The following VWF variants were observed in gnomAD, a reference collection of about 807,000 sequenced individuals.
VWF encodes the protein von Willebrand factor, also known as Factor VIII related antigen.
VWF carries 176 observed loss-of-function variants against 308.6 expected under a neutral mutation model. The ratio of observed to expected loss-of-function variants is 0.57; its 90% CI spans 0.50 to 0.65. The LOEUF (loss-of-function observed/expected upper bound fraction) is 0.65. Among genes scored for constraint, VWF ranks in the 30% least tolerant of loss-of-function variants. The probability of loss-of-function intolerance (pLI) is 0.00; values close to 1 mark genes in which losing one functional copy is unlikely to be tolerated. For missense variants in VWF, 3,146 were observed against 3,648.2 expected (o/e 0.86, Z 3.55); for synonymous variants, 1,385 against 1,443.4 (o/e 0.96, Z 0.92).
intron 11 of VWF, 149 bp from the exon 12 acceptor site, chr12:6,064,533 G>T: frequency 7.7e-7 from 1 of 1,290,882 alleles, no homozygotes. Context: ...AATACTCCAT[G>T]TGAATGGGGC....
intron 5 of VWF, among the ~76,000 whole-genome samples, chr12:6,105,419 G>A (rs1332635428): frequency 6.6e-6 from 1 of 152,062 alleles, no homozygotes; most frequent in Non-Finnish European, 1.5e-5. Flanking sequence ...AGTAGAGATG[G>A]GGTTTCACAT....
intron 5 of VWF, 149 bp from the exon 6 acceptor site, chr12:6,095,733 G>A: frequency 9.0e-7 from 1 of 1,106,648 alleles, no homozygotes; most frequent in South Asian, 1.3e-5. Flanking sequence ...CCAGGCTGGA[G>A]TGCAGCGGCT....
intron 34 of VWF, among the ~76,000 whole-genome samples, chr12:6,006,876 G>T (rs1943935185): frequency 6.6e-6 from 1 of 152,178 alleles, no homozygotes; most frequent in South Asian, 2.1e-4. Flanking sequence ...AATGCACATA[G>T]GTTTAAAGTG....
At position 5,988,374 on chromosome 12, in the gene VWF, AG is replaced by A. The variant is rs145603410; in HGVS notation, c.6799-2710del. 3.5e-3 allele frequency among the ~76,000 whole-genome samples: 539 copies of A among 152,318 alleles called. 4 individuals carry two copies. Among genetic ancestry groups the A allele is most frequent in the African/African-American group, 0.012 (512 of 41,568 alleles). On this transcript the variant is annotated intron_variant, in intron 38 of 51. Coordinates refer to ENST00000261405, the MANE Select transcript of VWF (RefSeq NM_000552.5). ...GCTGGGAAGGTGGAGGGAGGGGCCC[AG>A]GGCGCTGGCCTCGGAGGGCTGGGGC...
At chr12:6,109,601 T>C (rs1945282368) in intron 5 of VWF, among the ~76,000 whole-genome samples, 1 of 152,234 alleles carries the variant, frequency 6.6e-6, no homozygotes, top group Non-Finnish European at 1.5e-5. Context: ...ACATCACTAA[T>C]TGAATGTTTA....
Position 6,022,799 on chromosome 12 carries a change from G to A in VWF, c.3479C>T (p.Pro1160Leu). Residue 1160 changes from proline (P) to leucine (L), a missense_variant, in exon 26 of 52, where the codon CCT becomes CTT. By Grantham distance (98) the Pro-to-Leu change is moderately conservative. This residue lies in a region of VWF where 853 missense variants were observed against 1,177.8 expected (regional missense o/e 0.72). Coordinates refer to ENST00000261405, the MANE Select transcript of VWF (RefSeq NM_000552.5). ...APACQVTCQHPEPLACPVQCV... is the reference protein window; with the variant it reads ...APACQVTCQHLEPLACPVQCV... ...CTGCACAGGGCAGGCCAGTGGCTCAGGGTGCTGACACGTGACTTGACAGGC... is the reference window on the plus strand; with the variant it reads ...CTGCACAGGGCAGGCCAGTGGCTCAAGGTGCTGACACGTGACTTGACAGGC... The A allele has an allele frequency of 1.9e-6, 1 of 534,264 alleles. No homozygotes were observed. The allele number at this position is 534,264 out of a possible 1,614,324, so 33.1% of individuals were successfully genotyped here.
In VWF at chr12:6,052,591, C is replaced by T. The variant is rs760218536; in HGVS notation, c.2138G>A (p.Gly713Asp). ...GATGTCTTCTGGCTGGAAGATCTCA[C>T]CGTCATAGTAACAGGGGCACTGGGC... ...PKAQCPCYYDGEIFQPEDIFS... is the reference protein window; with the variant it reads ...PKAQCPCYYDDEIFQPEDIFS... Residue 713 changes from glycine to aspartate, a missense_variant, in exon 16 of 52, where the codon GGT (glycine) becomes GAT (aspartate). Physicochemically the swap from Gly to Asp is moderately conservative, Grantham distance 94. Transcript: ENST00000261405. The T allele has an allele frequency of 5.6e-6, 9 of 1,614,270 alleles. No individual in the cohort carries two copies. In the East Asian group the frequency reaches 2.0e-4, roughly 36 times the overall value.
intron 6 of VWF, among the ~76,000 whole-genome samples, chr12:6,079,160 C>A (rs533485378): frequency 1.5e-4 from 23 of 152,322 alleles, no homozygotes; most frequent in Admixed American, 1.3e-3. Context: ...GTGGGCACAG[C>A]TGAGAGCCAG....
rs1341697896 is a variant in VWF, at chr12:6,063,279, C to T, written c.1433-225G>A. Among the ~76,000 whole-genome samples, 1 of 152,110 alleles carries T rather than the reference C, an allele frequency of 6.6e-6. No homozygotes were observed. The highest frequency in any genetic ancestry group is 1.5e-5 in the Non-Finnish European group (1 of 68,022). Reference sequence around the variant, plus strand: ...GGTCCCCCAGGAAGAAGCCTCTGCACCCCCCGCTATGACCTGCCATTCCCC... The same window carrying T: ...GGTCCCCCAGGAAGAAGCCTCTGCATCCCCCGCTATGACCTGCCATTCCCC... On this transcript the variant is annotated intron_variant, in intron 12 of 51. Transcript: ENST00000261405. The surrounding 1 kb of genome is among the most constrained non-coding windows in gnomAD (Gnocchi z 4.9).
intron 15 of VWF, among the ~76,000 whole-genome samples, chr12:6,055,420 A>G (rs1435639588): frequency 6.6e-6 from 1 of 152,202 alleles, no homozygotes. Context: ...TCAAGGTCCC[A>G]TAACTGGTAC....
In VWF at chr12:6,063,892, CCT is replaced by C; in HGVS notation, c.1432+352_1432+353del. 6.6e-6 allele frequency among the ~76,000 whole-genome samples: 1 copy of C among 152,036 alleles called. No individual in the cohort carries two copies. The highest frequency in any genetic ancestry group is 1.5e-5 in the Non-Finnish European group (1 of 68,030). On this transcript the variant is annotated intron_variant, in intron 12 of 51. Transcript: ENST00000261405. This position sits in a 1 kb window ranked among gnomAD's most constrained non-coding sequence, Gnocchi z 4.9. ...CGATCTCTCAGCATCAGCCTCTGCC[CCT>C]GTCCCACCCCAGAGCAAACCAGAAC...
chr12:6,055,765 C>CACACACACAT (rs1555198152), intron 15 of VWF, among the ~76,000 whole-genome samples: 1 of 146,256 alleles, frequency 6.8e-6, no homozygotes, highest in Admixed American at 6.8e-5. Flanking sequence ...TATGTATACA[C>CACACACACAT]ACACACACAC....
intron 6 of VWF, among the ~76,000 whole-genome samples, chr12:6,083,310 G>A (rs1354601746): frequency 6.6e-6 from 1 of 151,970 alleles, no homozygotes; most frequent in African/African-American, 2.4e-5. Context: ...CACCGCAACC[G>A]GCCTGATCCC....
chr12:6,085,901 A>T (rs953766950), intron 6 of VWF, among the ~76,000 whole-genome samples: 17 of 151,926 alleles, frequency 1.1e-4, no homozygotes, highest in African/African-American at 3.4e-4. Context: ...GTAAAATTTT[A>T]AAAAAAAATT....
At chr12:6,031,873 G>T (rs1454833667) in intron 20 of VWF, among the ~76,000 whole-genome samples, 1 of 152,172 alleles carries the variant, frequency 6.6e-6, no homozygotes, top group Non-Finnish European at 1.5e-5. Flanking sequence ...TGCTTCGATG[G>T]ATGCATCAGG....
At position 5,953,542 on chromosome 12, in the gene VWF, G is replaced by A. The variant is rs61751302; in HGVS notation, c.7940C>T (p.Thr2647Met). 6,468 of 1,614,124 alleles carry A rather than the reference G, an allele frequency of 4.0e-3. 21 individuals carry two copies. The highest frequency in any genetic ancestry group is 4.1e-3 in the Non-Finnish European group (4,860 of 1,180,012). Residue 2647 changes from threonine (T) to methionine (M), a missense_variant, in exon 48 of 52, where the codon ACG becomes ATG. Thr to Met is a moderately conservative substitution (Grantham distance 81). Coordinates refer to ENST00000261405, the MANE Select transcript of VWF (RefSeq NM_000552.5). ...TCCTCTTAGCTGAATGGTGCAAGCC[G>A]TAGGCAAACATCTCCCACAACATTC... ...TGECCGRCLP[T>M]ACTIQLRGGQ...
rs1476520970 is a variant in VWF, at chr12:5,949,872, C to T, written c.8167G>A (p.Glu2723Lys). ...GTCCDTCEEP[E>K]CNDITARLQY... Reference sequence around the variant, plus strand: ...AGCCTGGCAGTGATGTCGTTGCACTCAGGCTCCTCACCTACAGGACAGGTG... The same window carrying T: ...AGCCTGGCAGTGATGTCGTTGCACTTAGGCTCCTCACCTACAGGACAGGTG... The change falls in exon 51 of 52, where the codon GAG (glutamate) becomes AAG (lysine). Residue 2723 changes from glutamate to lysine, a missense_variant. By Grantham distance (56) the Glu-to-Lys change is moderately conservative. Coordinates refer to ENST00000261405, the MANE Select transcript of VWF (RefSeq NM_000552.5). 1 of 1,613,508 alleles carries T rather than the reference C, an allele frequency of 6.2e-7. No homozygotes were observed. The highest frequency in any genetic ancestry group is 1.3e-5 in the African/African-American group (1 of 74,914).
At chr12:6,095,369 C>T in intron 6 of VWF, 91 bp downstream of exon 6, 1 of 1,595,054 alleles carries the variant, frequency 6.3e-7, no homozygotes. Context: ...CATTCCTCCC[C>T]CAGATGGAAG....
chr12:6,092,610 T>A (rs866978444), intron 6 of VWF, among the ~76,000 whole-genome samples: 4 of 57,048 alleles, frequency 7.0e-5, no homozygotes, highest in African/African-American at 2.8e-4. Flanking sequence ...AGTTAGTGAG[T>A]GAGTGAGAGT....
Sources: allele counts gnomAD v4.1 joint callset (sites outside exome capture counted in the v4.1 genomes callset), GRCh38; gene constraint gnomAD v4.1.1; regional missense constraint gnomAD v4.1.1; non-coding constraint Gnocchi (gnomAD v3.1); transcripts MANE v1.5; gene names NCBI Gene and HGNC (gene_info 2026-07-23, HGNC 2026-07-21).